The following DOCK3 variants were observed in gnomAD, a reference collection of about 807,000 sequenced individuals.
DOCK3 encodes the protein dedicator of cytokinesis 3.
Under a neutral mutation model 265.6 loss-of-function variants are expected in DOCK3, and 60 were observed. The ratio of observed to expected loss-of-function variants is 0.23; its 90% CI spans 0.18 to 0.28. The LOEUF is 0.28. DOCK3 is among the 10% of genes least tolerant of loss of function. DOCK3 has a pLI of 1.00. For synonymous variants in DOCK3, 881 were observed against 938.0 expected, an observed-to-expected ratio of 0.94 and a Z score of 1.11; for missense variants, 1,981 against 2,594.3, an observed-to-expected ratio of 0.76 and a Z score of 5.14.
At chr3:50,830,621 T>C (rs2045084010) in intron 2 of DOCK3, among the ~76,000 whole-genome samples, 2 of 152,178 alleles carry the variant, frequency 1.3e-5, no homozygotes, top group African/African-American at 4.8e-5. Context: ...GACTGTCACA[T>C]GGCCTGATCT....
chr3:50,807,030 T>C (rs1460595153), intron 2 of DOCK3, among the ~76,000 whole-genome samples: 1 of 152,116 alleles, frequency 6.6e-6, no homozygotes, highest in South Asian at 2.1e-4. Flanking sequence ...CCCAGTCTGA[T>C]CTGGTTTGGC....
At chr3:51,329,811 A>G (rs1173235569) in intron 32 of DOCK3, among the ~76,000 whole-genome samples, 1 of 152,192 alleles carries the variant, frequency 6.6e-6, no homozygotes, top group Non-Finnish European at 1.5e-5. Context: ...TAAAGGGGGA[A>G]AAAAACATCT....
chr3:51,288,954 G>A (rs1353976550), intron 27 of DOCK3, among the ~76,000 whole-genome samples: 1 of 151,100 alleles, frequency 6.6e-6, no homozygotes, highest in African/African-American at 2.4e-5. Context: ...AAAGTAAATC[G>A]GTGGAGGAAG....
intron 5 of DOCK3, among the ~76,000 whole-genome samples, chr3:51,001,201 G>A (rs2078472514): frequency 6.6e-6 from 1 of 152,242 alleles, no homozygotes; most frequent in African/African-American, 2.4e-5. Context: ...AATAGATTGA[G>A]TAAAGTATAT....
At chr3:50,895,288 C>T (rs1193855529) in intron 4 of DOCK3, among the ~76,000 whole-genome samples, 8 of 149,704 alleles carry the variant, frequency 5.3e-5, no homozygotes, top group African/African-American at 1.5e-4. Context: ...ATGTCCATCA[C>T]GTGCAGTTTT....
chr3:51,246,748 T>G lies in DOCK3; in HGVS notation c.2125T>G (p.Trp709Gly). 6.2e-7 allele frequency: 1 copy of G among 1,613,342 alleles called. No individual in the cohort carries two copies. The highest frequency in any genetic ancestry group is 1.1e-5 in the South Asian group (1 of 90,888). ...CAGGGAGCTCATCCGCTGTTTGAAG[T>G]GGTATATGGACTGCTCAGCAGAACT... ...AYKELIRCLK[W>G]YMDCSAELIR... The change falls in exon 22 of 53, where the codon TGG (tryptophan) becomes GGG (glycine). Residue 709 changes from tryptophan to glycine, a missense_variant. This residue lies in a region of DOCK3 where 1,357 missense variants were observed against 1,866.8 expected (regional missense o/e 0.73). Coordinates refer to ENST00000266037, the MANE Select transcript of DOCK3 (RefSeq NM_004947.5).
At chr3:50,717,715 C>T (rs2037209688) in intron 1 of DOCK3, among the ~76,000 whole-genome samples, 1 of 152,156 alleles carries the variant, frequency 6.6e-6, no homozygotes. Context: ...CTCCACCTCC[C>T]TGGTTCAAGT....
At chr3:50,849,681 A>G (rs545638960) in intron 3 of DOCK3, among the ~76,000 whole-genome samples, 1 of 152,330 alleles carries the variant, frequency 6.6e-6, no homozygotes, top group East Asian at 1.9e-4. Flanking sequence ...AATATTCAAA[A>G]TCAGAGTAAA....
chr3:50,937,918 A>G (rs1263898358), intron 5 of DOCK3, among the ~76,000 whole-genome samples: 3 of 152,166 alleles, frequency 2.0e-5, no homozygotes, highest in Non-Finnish European at 2.9e-5. Flanking sequence ...GAGTGATTAC[A>G]AGATAGAGTT....
chr3:50,817,955 G>A (rs943000749), intron 2 of DOCK3, among the ~76,000 whole-genome samples: 1 of 152,114 alleles, frequency 6.6e-6, no homozygotes, highest in African/African-American at 2.4e-5. Flanking sequence ...TCTTTACCTA[G>A]TTATCTTGAC....
intron 1 of DOCK3, among the ~76,000 whole-genome samples, chr3:50,689,706 G>A (rs769661444): frequency 1.3e-5 from 2 of 152,362 alleles, no homozygotes; most frequent in Admixed American, 6.5e-5. Context: ...AACAGGGTTC[G>A]TCTAATGCTG....
intron 5 of DOCK3, among the ~76,000 whole-genome samples, chr3:50,949,200 AATATAC>A (rs2076526501): frequency 6.6e-6 from 1 of 152,194 alleles, no homozygotes; most frequent in Non-Finnish European, 1.5e-5. Flanking sequence ...TGTTCTTTGG[AATATAC>A]CACAGTGAAA....
chr3:51,311,986 C>A lies in DOCK3; in HGVS notation c.3018-18C>A. The A allele has an allele frequency of 6.4e-7, 1 of 1,566,484 alleles. No individual in the cohort carries two copies. The highest frequency in any genetic ancestry group is 8.7e-7 in the Non-Finnish European group (1 of 1,149,660). Reference sequence around the variant, plus strand: ...GTTAGTCTTTTAATTCTGCCAATGCCTTGTTTCCTTACTGCAGTATTATAG... The same window carrying A: ...GTTAGTCTTTTAATTCTGCCAATGCATTGTTTCCTTACTGCAGTATTATAG... On this transcript the variant is annotated intron_variant, in intron 28 of 52. Transcript: ENST00000266037.
intron 9 of DOCK3, among the ~76,000 whole-genome samples, chr3:51,135,102 G>C (rs908215654): frequency 3.9e-5 from 6 of 152,134 alleles, no homozygotes; most frequent in Non-Finnish European, 5.9e-5. Flanking sequence ...TTCAGACATG[G>C]GTTTTTAGCT....
chr3:51,307,842 T>C (rs2082773168), intron 27 of DOCK3, among the ~76,000 whole-genome samples: 3 of 151,668 alleles, frequency 2.0e-5, no homozygotes, highest in Admixed American at 2.0e-4. Flanking sequence ...CGAAATGACA[T>C]GGCTGCTTCA....
intron 4 of DOCK3, among the ~76,000 whole-genome samples, chr3:50,898,926 T>C (rs1197437382): frequency 6.6e-6 from 1 of 152,182 alleles, no homozygotes; most frequent in Non-Finnish European, 1.5e-5. Flanking sequence ...ATAAGTGCGA[T>C]GTAGTGCTGA....
At chr3:50,721,507 A>G (rs1471192707) in intron 1 of DOCK3, among the ~76,000 whole-genome samples, 2 of 152,010 alleles carry the variant, frequency 1.3e-5, no homozygotes, top group African/African-American at 4.8e-5. Flanking sequence ...GTAAATGTGC[A>G]GCTTTATTTT....
At chr3:51,379,803 G>T (rs1553617972) in intron 51 of DOCK3, among the ~76,000 whole-genome samples, 1 of 152,234 alleles carries the variant, frequency 6.6e-6, no homozygotes, top group East Asian at 1.9e-4. Flanking sequence ...TGAAGACAAT[G>T]GAATTGACTG....
intron 12 of DOCK3, among the ~76,000 whole-genome samples, chr3:51,173,064 A>G (rs990084095): frequency 6.6e-6 from 1 of 152,210 alleles, no homozygotes; most frequent in African/African-American, 2.4e-5. Context: ...AGTGATTTAT[A>G]TCATCACAGT....
Sources: allele counts gnomAD v4.1 joint callset (sites outside exome capture counted in the v4.1 genomes callset), GRCh38; gene constraint gnomAD v4.1.1; regional missense constraint gnomAD v4.1.1; transcripts MANE v1.5; gene names NCBI Gene and HGNC (gene_info 2026-07-23, HGNC 2026-07-21).